The following ADAMTS13 variants were observed in gnomAD, a reference collection of about 807,000 sequenced individuals.
The protein encoded by ADAMTS13 is ADAM metallopeptidase with thrombospondin type 1 motif 13.
Under a neutral mutation model 155.1 loss-of-function variants are expected in ADAMTS13, and 110 were observed. The observed-to-expected ratio is 0.71, with a 90% confidence interval of 0.61 to 0.83. The LOEUF is 0.83. Among genes scored for constraint, ADAMTS13 ranks in the 40% least tolerant of loss-of-function variants. ADAMTS13 has a pLI of 0.00. For missense variants in ADAMTS13, 1,707 were observed against 1,891.7 expected, an observed-to-expected ratio of 0.90 and a Z score of 1.81; for synonymous variants, 758 against 756.4, an observed-to-expected ratio of 1.00 and a Z score of -0.03.
chr9:133,437,191 G>A (rs1466734022), intron 12 of ADAMTS13, among the ~76,000 whole-genome samples: 2 of 152,192 alleles, frequency 1.3e-5, no homozygotes, highest in Non-Finnish European at 2.9e-5. Flanking sequence ...AATAGCAGTA[G>A]GTCCCTCCCT....
In ADAMTS13 at chr9:133,459,012, T is replaced by C; in HGVS notation, c.3948T>C (p.His1316=). 1 of 1,613,206 alleles carries C rather than the reference T, an allele frequency of 6.2e-7. No individual in the cohort carries two copies. The highest frequency in any genetic ancestry group is 8.5e-7 in the Non-Finnish European group (1 of 1,179,998). Residue 1316 remains histidine (H), a synonymous_variant, in exon 29 of 29, where the codon CAT becomes CAC. Transcript: ENST00000355699. Reference sequence around the variant, plus strand: ...ACAGCTTGAGGACCACAGCGTTCCATGGGCAGCAGGTGCTCTACTGGGAGT... The same window carrying C: ...ACAGCTTGAGGACCACAGCGTTCCACGGGCAGCAGGTGCTCTACTGGGAGT... ...DTHSLRTTAF[H]GQQVLYWESE...
Position 133,455,406 on chromosome 9 carries a change from G to A in ADAMTS13, c.3371G>A (p.Gly1124Asp). The A allele has an allele frequency of 6.2e-7, 1 of 1,612,586 alleles. No homozygotes were observed. The highest frequency in any genetic ancestry group is 8.5e-7 in the Non-Finnish European group (1 of 1,179,906). ...TTGCCCAAGCCGGTGACTGTGCGTGGCTGCTGGGCTGGGCCCTGTGTGGGA... is the reference window on the plus strand; with the variant it reads ...TTGCCCAAGCCGGTGACTGTGCGTGACTGCTGGGCTGGGCCCTGTGTGGGA... ...QHLPKPVTVR[G>D]CWAGPCVGQG... Residue 1124 changes from glycine to aspartate, a missense_variant, in exon 25 of 29, where the codon GGC becomes GAC. Around this residue, in one of 3 missense-constraint regions of ADAMTS13, gnomAD observed 961 missense variants for 1,107.9 expected, o/e 0.87. Coordinates refer to ENST00000355699, the MANE Select transcript of ADAMTS13 (RefSeq NM_139027.6).
At chr9:133,442,842 C>T (rs1311036592) in intron 18 of ADAMTS13, 99 bp downstream of exon 18, 9 of 1,475,074 alleles carry the variant, frequency 6.1e-6, no homozygotes, top group African/African-American at 5.6e-5. Flanking sequence ...GTGGCAGGGC[C>T]GGGCTGAGCT....
intron 28 of ADAMTS13, 128 bp downstream of exon 28, chr9:133,458,222 A>T: frequency 8.8e-7 from 1 of 1,134,498 alleles, no homozygotes; most frequent in South Asian, 1.4e-5. Flanking sequence ...AGAATGGGAG[A>T]AGATAGCTTC....
At chr9:133,423,279 C>T (rs1840073175) in intron 2 of ADAMTS13, 112 bp downstream of exon 2, 2 of 1,015,992 alleles carry the variant, frequency 2.0e-6, no homozygotes, top group Non-Finnish European at 3.1e-6. Context: ...AGGAGAAGGT[C>T]AGAGAAGCTG....
upstream of ADAMTS13, chr9:133,417,755 T>C (rs782490964): frequency 1.3e-5 from 21 of 1,613,252 alleles, no homozygotes; most frequent in Non-Finnish European, 1.6e-5. Context: ...TCTTCTTGTT[T>C]TTCTTCCGAG....
At chr9:133,422,179 G>C (rs990638261), upstream of ADAMTS13, 1 of 566,642 alleles carries the variant, frequency 1.8e-6, no homozygotes, top group African/African-American at 1.9e-5. Flanking sequence ...TGCACATCCG[G>C]AGAGCTGTCT....
upstream of ADAMTS13, among the ~76,000 whole-genome samples, chr9:133,421,385 G>T (rs907733969): frequency 1.3e-5 from 2 of 152,214 alleles, no homozygotes; most frequent in Non-Finnish European, 2.9e-5. Context: ...TTACCTTCCT[G>T]CATGAAAGCA....
Position 133,455,321 on chromosome 9 carries a change from C to T in ADAMTS13, c.3286C>T (p.Arg1096Cys), listed in dbSNP as rs377572669. 7.5e-6 allele frequency: 12 copies of T among 1,606,666 alleles called. No individual in the cohort carries two copies. The highest frequency in any genetic ancestry group is 6.7e-5 in the African/African-American group (5 of 74,922). ...CTGTGGGGATGGCATCCAGCGCCGG[C>T]GTGACACCTGCCTCGGACCCCAGGC... ...VSCGDGIQRR[R>C]DTCLGPQAQA... Residue 1096 changes from arginine (R) to cysteine (C), a missense_variant, in exon 25 of 29, where the codon CGT becomes TGT. Around this residue, in one of 3 missense-constraint regions of ADAMTS13, gnomAD observed 961 missense variants for 1,107.9 expected, o/e 0.87. Transcript: ENST00000355699.
chr9:133,436,784 C>A, intron 11 of ADAMTS13, 45 bp from the exon 12 acceptor site: 2 of 474,706 alleles, frequency 4.2e-6, no homozygotes, highest in Non-Finnish European at 8.4e-6. Flanking sequence ...CAACACCCGC[C>A]CCCCGCCCCA....
rs782469517 is a variant in ADAMTS13, at chr9:133,425,488, G to A, written c.331-41G>A. ...TCAGCAGCTGCCTGGGGCTGGCAAT[G>A]CCCACCCGACGGGTTACCTCTCTCA... is the stretch of plus-strand genomic sequence containing the variant. On this transcript the variant is annotated intron_variant, in intron 3 of 28. Coordinates refer to ENST00000355699, the MANE Select transcript of ADAMTS13 (RefSeq NM_139027.6). The surrounding 1 kb of genome is among the most constrained non-coding windows in gnomAD (Gnocchi z 4.6). 5.7e-6 allele frequency: 9 copies of A among 1,579,876 alleles called. No homozygotes were observed. The highest frequency in any genetic ancestry group is 2.3e-5 in the East Asian group (1 of 43,578).
intron 24 of ADAMTS13, among the ~76,000 whole-genome samples, chr9:133,454,991 C>T (rs1842654066): frequency 1.3e-5 from 2 of 152,154 alleles, no homozygotes; most frequent in African/African-American, 4.8e-5. Flanking sequence ...CATAGGGGCA[C>T]AGCAGACAGA....
At position 133,439,428 on chromosome 9, in the gene ADAMTS13, C is replaced by T; in HGVS notation, c.1768C>T (p.Pro590Ser). The T allele has an allele frequency of 6.8e-6, 11 of 1,614,048 alleles. No homozygotes were observed. Among genetic ancestry groups the T allele is most frequent in the Non-Finnish European group, 9.3e-6 (11 of 1,179,880 alleles). Residue 590 changes from proline to serine, a missense_variant, in exon 15 of 29, where the codon CCT becomes TCT. Coordinates refer to ENST00000355699, the MANE Select transcript of ADAMTS13 (RefSeq NM_139027.6). ...CAGTGTCTACATTGCCAACCACAGGCCTCTCTTCACACACTTGGGTGAGTT... is the reference window on the plus strand; with the variant it reads ...CAGTGTCTACATTGCCAACCACAGGTCTCTCTTCACACACTTGGGTGAGTT... ...LTSVYIANHRPLFTHLAVRIG... is the reference protein window; with the variant it reads ...LTSVYIANHRSLFTHLAVRIG...
intron 13 of ADAMTS13, 73 bp from the exon 14 acceptor site, chr9:133,438,173 C>T (rs1841394609): frequency 6.8e-6 from 11 of 1,611,948 alleles, no homozygotes; most frequent in Middle Eastern, 1.7e-4. Flanking sequence ...AATCTCAGAG[C>T]TGGCAGGGCT....
chr9:133,429,761 A>T, intron 7 of ADAMTS13, 178 bp from the exon 8 acceptor site: 3 of 844,478 alleles, frequency 3.6e-6, no homozygotes, highest in Non-Finnish European at 5.8e-6. Flanking sequence ...CAGGAGCCTT[A>T]GTCTTGGTCC....
exon 1 of ADAMTS13, chr9:133,414,613 TTGG>T (rs1458922959): frequency 6.5e-7 from 1 of 1,531,074 alleles, no homozygotes; most frequent in African/African-American, 1.4e-5. Flanking sequence ...GAGACAGGCC[TTGG>T]TGAAGTCGCT....
In ADAMTS13 at chr9:133,456,129, A is replaced by G; in HGVS notation, c.3461A>G (p.Gln1154Arg). ...TGTIDMRGPGQADCAVAIGRP... is the reference protein window; with the variant it reads ...TGTIDMRGPGRADCAVAIGRP... ...ACCATTGACATGCGAGGCCCAGGGCAGGCAGACTGTGCAGTGGCCATTGGG... is the reference window on the plus strand; with the variant it reads ...ACCATTGACATGCGAGGCCCAGGGCGGGCAGACTGTGCAGTGGCCATTGGG... Residue 1154 changes from glutamine (Q) to arginine (R), a missense_variant, in exon 26 of 29, where the codon CAG (glutamine) becomes CGG (arginine). Coordinates refer to ENST00000355699, the MANE Select transcript of ADAMTS13 (RefSeq NM_139027.6). The surrounding 1 kb of genome is among the most constrained non-coding windows in gnomAD (Gnocchi z 4.4). 1 of 1,613,402 alleles carries G rather than the reference A, an allele frequency of 6.2e-7. No individual in the cohort carries two copies. The highest frequency in any genetic ancestry group is 8.5e-7 in the Non-Finnish European group (1 of 1,180,034).
chr9:133,432,575 T>C lies in ADAMTS13; in HGVS notation c.988-13T>C, dbSNP rs782789118. 19 of 1,549,398 alleles carry C rather than the reference T, an allele frequency of 1.2e-5. No individual in the cohort carries two copies. Among genetic ancestry groups the C allele is most frequent in the Admixed American group, 2.0e-5 (1 of 51,018 alleles). On this transcript the variant is annotated splice_polypyrimidine_tract_variant and intron_variant, in intron 8 of 28. Coordinates refer to ENST00000355699, the MANE Select transcript of ADAMTS13 (RefSeq NM_139027.6). Reference sequence around the variant, plus strand: ...GGCCCCTGAGCTCGCCACCCACCTGTCCACCCTCCTAGGATATGTGCCAGG... The same window carrying C: ...GGCCCCTGAGCTCGCCACCCACCTGCCCACCCTCCTAGGATATGTGCCAGG...
At position 133,445,897 on chromosome 9, in the gene ADAMTS13, A is replaced by G. The variant is rs1355807033; in HGVS notation, c.2731+78A>G. On this transcript the variant is annotated intron_variant, in intron 21 of 28. Transcript: ENST00000355699. The surrounding 1 kb of genome is among the most constrained non-coding windows in gnomAD (Gnocchi z 5.0). ...TCCACTTGCATCTTGCCTCGTTCTG[A>G]AAAGCATTTGAGGTGGATTGCAGAA... 6.7e-7 allele frequency: 1 copy of G among 1,500,522 alleles called. No individual in the cohort carries two copies. Among genetic ancestry groups the G allele is most frequent in the Admixed American group, 2.3e-5 (1 of 43,824 alleles). 93.0% of individuals were successfully genotyped at this position (1,500,522 alleles called of 1,614,324 possible). A position where few individuals can be genotyped will look rare whatever the true frequency, so the allele number is the denominator to read the frequency against.
Sources: gnomAD v4.1 joint callset for allele counts (sites outside exome capture counted in the v4.1 genomes callset) on GRCh38, gnomAD v4.1.1 for gene constraint, gnomAD v4.1.1 regional missense constraint, Gnocchi (gnomAD v3.1) non-coding constraint, MANE v1.5 for transcripts, NCBI Gene and HGNC (gene_info 2026-07-23, HGNC 2026-07-21) for gene names.